The following TTC17 variants were observed in gnomAD, a reference collection of about 807,000 sequenced individuals.
The protein encoded by TTC17 is tetratricopeptide repeat domain 17, also known as tetratricopeptide repeat protein 17.
A neutral mutation model predicts 143.8 loss-of-function variants in TTC17; 58 were observed. The ratio of observed to expected loss-of-function variants is 0.40; its 90% confidence interval spans 0.33 to 0.50. The LOEUF (loss-of-function observed/expected upper bound fraction) is 0.50, where lower values mean the gene tolerates loss of function less well. Among genes scored for constraint, TTC17 ranks in the 20% least tolerant of loss-of-function variants. TTC17 has a pLI of 0.49. For synonymous variants in TTC17, 501 were observed against 497.8 expected, an observed-to-expected ratio of 1.01 and a Z score of -0.09; for missense variants, 1,273 against 1,392.5, an observed-to-expected ratio of 0.91 and a Z score of 1.37.
intron 21 of TTC17, among the ~76,000 whole-genome samples, chr11:43,455,106 TAACAA>T (rs1947738184): frequency 6.6e-6 from 1 of 151,230 alleles, no homozygotes; most frequent in Non-Finnish European, 1.5e-5. Flanking sequence ...TAATAATAAC[TAACAA>T]TATAAAAGCC....
At position 43,414,776 on chromosome 11, in the gene TTC17, G is replaced by T. The variant is rs1250159796; in HGVS notation, c.2251G>T (p.Gly751Cys). Residue 751 changes from glycine to cysteine, a missense_variant and splice_region_variant, in exon 16 of 24, where the codon GGT (glycine) becomes TGT (cysteine). Gly to Cys is a radical substitution (Grantham distance 159). This residue lies in a region of TTC17 where 878 missense variants were observed against 899.8 expected (regional missense o/e 0.98). Transcript: ENST00000039989. ...CAACATCACTTCTTCTGTTTGCAGT[G>T]GTAAGCAGCTTTCAAATGCTGACAA... is the stretch of plus-strand genomic sequence containing the variant. ...LYNITSSVCS[G>C]TVVEESNGSD... 1 of 1,610,402 alleles carries T rather than the reference G, an allele frequency of 6.2e-7. No homozygotes were observed. Among genetic ancestry groups the T allele is most frequent in the Non-Finnish European group, 8.5e-7 (1 of 1,178,732 alleles).
intron 21 of TTC17, among the ~76,000 whole-genome samples, chr11:43,483,315 A>G (rs758632355): frequency 6.6e-6 from 1 of 152,146 alleles, no homozygotes; most frequent in East Asian, 1.9e-4. Flanking sequence ...AAGGAATGAC[A>G]TACCAGTTAA....
intron 6 of TTC17, 139 bp downstream of exon 6, chr11:43,396,957 C>CAAAA: frequency 9.0e-6 from 3 of 335,082 alleles, no homozygotes; most frequent in Non-Finnish European, 1.5e-5. Context: ...AGTCCCACCA[C>CAAAA]AAAAAAAAAA....
At chr11:43,463,103 A>G (rs1033824775) in intron 21 of TTC17, among the ~76,000 whole-genome samples, 1 of 151,770 alleles carries the variant, frequency 6.6e-6, no homozygotes, top group Admixed American at 6.6e-5. Context: ...TTTAATAGAG[A>G]CGGGGTTTCA....
At chr11:43,366,368 T>C (rs1253916335) in intron 1 of TTC17, among the ~76,000 whole-genome samples, 2 of 151,854 alleles carry the variant, frequency 1.3e-5, no homozygotes, top group Non-Finnish European at 2.9e-5. Context: ...TAGCCGGGCA[T>C]GGTGGTGCGC....
chr11:43,428,919 C>T (rs530244051), intron 16 of TTC17, among the ~76,000 whole-genome samples: 67 of 152,276 alleles, frequency 4.4e-4, no homozygotes, highest in Admixed American at 1.6e-3. Flanking sequence ...TTTCTCTTTG[C>T]CATTGTACTT....
chr11:43,477,291 G>A (rs1462386173), intron 21 of TTC17, among the ~76,000 whole-genome samples: 2 of 152,168 alleles, frequency 1.3e-5, no homozygotes, highest in Non-Finnish European at 2.9e-5. Context: ...CTTCTTCTGA[G>A]CCCTTCAAAC....
chr11:43,434,234 C>G (rs1947233043), intron 16 of TTC17, among the ~76,000 whole-genome samples: 1 of 145,068 alleles, frequency 6.9e-6, no homozygotes, highest in Non-Finnish European at 1.5e-5. Context: ...CACACACACT[C>G]TCATGGCCTC....
intron 16 of TTC17, among the ~76,000 whole-genome samples, chr11:43,441,903 T>C (rs1336078630): frequency 6.6e-6 from 1 of 152,220 alleles, no homozygotes; most frequent in Non-Finnish European, 1.5e-5. Context: ...TCTTCGTAGC[T>C]AAACAGCATG....
intron 20 of TTC17, among the ~76,000 whole-genome samples, chr11:43,450,893 G>A (rs917057188): frequency 1.2e-4 from 18 of 152,124 alleles, no homozygotes; most frequent in Non-Finnish European, 1.5e-5. Context: ...GTCTTTACAT[G>A]TCTGAATGAC....
At chr11:43,408,531 G>A (rs773953845) in intron 15 of TTC17, among the ~76,000 whole-genome samples, 6 of 152,130 alleles carry the variant, frequency 3.9e-5, no homozygotes, top group Non-Finnish European at 7.3e-5. Context: ...CAATGCAGCC[G>A]TATTCCCTTG....
chr11:43,379,079 A>C (rs1272045010), intron 1 of TTC17, 154 bp from the exon 2 acceptor site: 8 of 709,010 alleles, frequency 1.1e-5, no homozygotes, highest in Non-Finnish European at 1.7e-5. Flanking sequence ...TAACATTTAC[A>C]TGTGATCACT....
intron 5 of TTC17, among the ~76,000 whole-genome samples, chr11:43,393,004 G>A (rs1209417959): frequency 6.6e-6 from 1 of 152,216 alleles, no homozygotes; most frequent in Non-Finnish European, 1.5e-5. Flanking sequence ...TTGAGGTTAG[G>A]TGGTTGTATT....
intron 21 of TTC17, among the ~76,000 whole-genome samples, chr11:43,475,461 C>A (rs936633265): frequency 1.2e-4 from 19 of 152,118 alleles, no homozygotes; most frequent in Non-Finnish European, 4.4e-5. Context: ...GCCTCCCAAG[C>A]AGCTGGGACT....
At chr11:43,409,002 A>G (rs147925715) in intron 15 of TTC17, among the ~76,000 whole-genome samples, 338 of 152,070 alleles carry the variant, frequency 2.2e-3, no homozygotes, top group African/African-American at 8.0e-3. Flanking sequence ...CTCAGCCTCC[A>G]AAAGTGATGG....
intron 16 of TTC17, among the ~76,000 whole-genome samples, chr11:43,421,846 C>T (rs2134648751): frequency 6.6e-6 from 1 of 151,136 alleles, no homozygotes; most frequent in East Asian, 2.0e-4. Context: ...CATCCCCACC[C>T]ACCCCCCAGT....
chr11:43,399,798 C>T, intron 8 of TTC17, 90 bp from the exon 9 acceptor site: 35 of 1,350,178 alleles, frequency 2.6e-5, no homozygotes, highest in Non-Finnish European at 3.3e-5. Context: ...GTAATTGTTG[C>T]TGAGAACCAG....
chr11:43,491,784 T>G (rs1169744346), intron 22 of TTC17: 9 of 536,908 alleles, frequency 1.7e-5, no homozygotes, highest in Non-Finnish European at 3.0e-5. Context: ...AGCTGACATT[T>G]TGTTGTGTTT....
chr11:43,372,417 C>T (rs2134456333), intron 1 of TTC17, among the ~76,000 whole-genome samples: 1 of 151,988 alleles, frequency 6.6e-6, no homozygotes, highest in East Asian at 1.9e-4. Context: ...ATTCTCCTGC[C>T]TCAGCCTCCC....
Sources: gnomAD v4.1 joint callset for allele counts (sites outside exome capture counted in the v4.1 genomes callset) on GRCh38, gnomAD v4.1.1 for gene constraint, gnomAD v4.1.1 regional missense constraint, MANE v1.5 for transcripts, NCBI Gene and HGNC (gene_info 2026-07-23, HGNC 2026-07-21) for gene names.